The following ADGRD2 variants were observed in gnomAD, a reference collection of about 807,000 sequenced individuals.
ADGRD2 encodes adhesion G protein-coupled receptor D2.
ADGRD2 carries 71 observed loss-of-function variants against 44.4 expected under a neutral mutation model. The observed-to-expected ratio is 1.60, with a 90% confidence interval of 1.32 to 1.95. The LOEUF is 1.95. Among genes scored for constraint, ADGRD2 ranks in the 30% most tolerant of loss-of-function variants. The pLI is 0.00. For missense variants in ADGRD2, 1,039 were observed against 512.4 expected, an observed-to-expected ratio of 2.03 and a Z score of -9.92; for synonymous variants, 481 against 224.8, an observed-to-expected ratio of 2.14 and a Z score of -10.19.
chr9:124,466,266 G>T (rs957710744), exon 11 of ADGRD2: 10 of 677,074 alleles, frequency 1.5e-5, no homozygotes, highest in African/African-American at 3.6e-5. Context: ...AGAGCCCCCT[G>T]TTCCCTCCCC....
chr9:124,451,850 C>CTAAG (rs1831477589), upstream of ADGRD2: 4 of 554,770 alleles, frequency 7.2e-6, no homozygotes, highest in South Asian at 8.1e-5. Flanking sequence ...AAAGCACTCA[C>CTAAG]TAAGGGTGAC....
At chr9:124,478,088 G>T (rs1266563610) in intron 21 of ADGRD2, among the ~76,000 whole-genome samples, 193 bp from the exon 25 acceptor site, 1 of 152,116 alleles carries the variant, frequency 6.6e-6, no homozygotes, top group African/African-American at 2.4e-5. Flanking sequence ...TCCTTCGCGG[G>T]GCCGCCACCG....
At chr9:124,471,803 G>A (rs1480751067) in intron 17 of ADGRD2, among the ~76,000 whole-genome samples, 2 of 152,238 alleles carry the variant, frequency 1.3e-5, no homozygotes, top group Non-Finnish European at 2.9e-5. Flanking sequence ...AGAAGAGGCA[G>A]CAAAAAGCCC....
chr9:124,468,993 C>T lies in ADGRD2; in HGVS notation c.2388-229C>T, dbSNP rs1588607480. 2.6e-5 allele frequency among the ~76,000 whole-genome samples: 4 copies of T among 152,194 alleles called. No individual in the cohort carries two copies. The East Asian group carries it at 5.8e-4, about 22-fold the overall frequency. On this transcript the variant is annotated intron_variant, in intron 14 of 21. Coordinates refer to ENST00000334810, the Ensembl canonical transcript of ADGRD2. The stretch of plus-strand genomic sequence containing the variant: ...GTTGCCCAGCCTCCGTCTCCAGAGA[C>T]GCCCAGCTGTAGCCTCCAAAGCAGC...
At chr9:124,476,558 G>A (rs1832053462) in intron 20 of ADGRD2, 121 bp from the exon 24 acceptor site, 1 of 636,524 alleles carries the variant, frequency 1.6e-6, no homozygotes, top group African/African-American at 1.8e-5. Context: ...TGGGCTGAAG[G>A]GCCCAGGGAG....
In ADGRD2 at chr9:124,458,251, C is replaced by A. The variant is rs1038831782; in HGVS notation, c.1764+15C>A. On this transcript the variant is annotated intron_variant, in intron 9 of 21. Coordinates refer to ENST00000334810, the Ensembl canonical transcript of ADGRD2. The stretch of plus-strand genomic sequence containing the variant: ...AGGGTGCAGAGGTGAGTAGGCGCCA[C>A]CTGGAGGGCTGTGAGGGCCTGTGTC... The A allele has an allele frequency of 1.4e-6, 1 of 718,170 alleles. No individual in the cohort carries two copies. The allele number at this position is 718,170 out of a possible 1,614,324, so 44.5% of individuals were successfully genotyped here.
chr9:124,476,933 C>T (rs1237507859), intron 21 of ADGRD2: 1 of 704,678 alleles, frequency 1.4e-6, no homozygotes, highest in African/African-American at 1.8e-5. Context: ...TCATGGAACC[C>T]TATTCTGAGC....
In ADGRD2 at chr9:124,472,646, A is replaced by G. The variant is rs146146687; in HGVS notation, c.2758+2032A>G. On this transcript the variant is annotated intron_variant, in intron 17 of 21. Coordinates refer to ENST00000334810, the Ensembl canonical transcript of ADGRD2. ...CTCAGCCTCCTGAGTAGCTGGGATTACAGGCACCTGCCACCACGCCTGGAT... is the reference window on the plus strand; with the variant it reads ...CTCAGCCTCCTGAGTAGCTGGGATTGCAGGCACCTGCCACCACGCCTGGAT... Among the ~76,000 whole-genome samples, 386 of 152,222 alleles carry G rather than the reference A, an allele frequency of 2.5e-3. 1 individual carries two copies. The highest frequency in any genetic ancestry group is 8.8e-3 in the African/African-American group (367 of 41,524).
intron 16 of ADGRD2, among the ~76,000 whole-genome samples, chr9:124,469,904 G>T (rs1284088657): frequency 6.6e-6 from 1 of 152,208 alleles, no homozygotes; most frequent in African/African-American, 2.4e-5. Flanking sequence ...ATCAGGGTTA[G>T]CCCCAGAAGT....
chr9:124,451,253 C>A (rs1201355684), upstream of ADGRD2: 1 of 470,166 alleles, frequency 2.1e-6, no homozygotes, highest in Non-Finnish European at 4.4e-6. Flanking sequence ...TGGCGGAGAA[C>A]CTCAAGGAAC....
intron 17 of ADGRD2, among the ~76,000 whole-genome samples, chr9:124,472,070 G>T (rs1257611666): frequency 1.3e-5 from 2 of 152,200 alleles, no homozygotes; most frequent in East Asian, 1.9e-4. Flanking sequence ...ATCATAGGGG[G>T]TTGGATTCCT....
At chr9:124,469,122 C>T (rs1216838226) in intron 14 of ADGRD2, 100 bp from the exon 18 acceptor site, 3 of 635,656 alleles carry the variant, frequency 4.7e-6, no homozygotes, top group Non-Finnish European at 5.7e-6. Context: ...CCCAGTACAA[C>T]CTCCAGTAGG....
chr9:124,477,854 G>C (rs1353571626), intron 21 of ADGRD2, among the ~76,000 whole-genome samples: 1 of 149,878 alleles, frequency 6.7e-6, no homozygotes, highest in East Asian at 2.0e-4. Flanking sequence ...ACAAGAGAGC[G>C]GCGGCGCCTC....
exon 3 of ADGRD2, chr9:124,453,486 G>A (rs1359126947): frequency 2.8e-6 from 2 of 703,394 alleles, no homozygotes; most frequent in Non-Finnish European, 2.6e-6. Context: ...GTGGCTTCTC[G>A]GTGCGTCACG....
chr9:124,475,628 C>T lies in ADGRD2; in HGVS notation c.2845+13C>T, dbSNP rs1832033590. 1 of 432,290 alleles carries T rather than the reference C, an allele frequency of 2.3e-6. No individual in the cohort carries two copies. Among genetic ancestry groups the T allele is most frequent in the East Asian group, 7.5e-5 (1 of 13,298 alleles). The allele number at this position is 432,290 out of a possible 1,614,324, so 26.8% of individuals were successfully genotyped here. ...GAAGGTGGCCGAGGTGCTCAGGGCA[C>T]TGGGGGTGTGGGTGGGGGCGGGAGG... On this transcript the variant is annotated intron_variant, in intron 19 of 21. Transcript: ENST00000334810.
At chr9:124,476,248 G>A in intron 19 of ADGRD2, 109 bp from the exon 23 acceptor site, 2 of 609,078 alleles carry the variant, frequency 3.3e-6, no homozygotes, top group Non-Finnish European at 3.0e-6. Context: ...GGTAAACCTT[G>A]GAGTGGATTC....
At position 124,472,459 on chromosome 9, in the gene ADGRD2, T is replaced by TG. The variant is rs147755925; in HGVS notation, c.2758+1845_2758+1846insG. On this transcript the variant is annotated intron_variant, in intron 17 of 21. Coordinates refer to ENST00000334810, the Ensembl canonical transcript of ADGRD2. ...TTTTTTGTTTGTTTGTTTGTTTGTT[T>TG]TTTGTTTGTTTTTTGTTTTTGTTTT... Among the ~76,000 whole-genome samples, 38 of 21,500 alleles carry TG rather than the reference T, an allele frequency of 1.8e-3. No homozygotes were observed. In the South Asian group the frequency reaches 0.039, roughly 22 times the overall value. 14.1% of individuals were successfully genotyped at this position (21,500 alleles called of 152,430 possible). A position where few individuals can be genotyped will look rare whatever the true frequency, so the allele number is the denominator to read the frequency against.
intron 10 of ADGRD2, among the ~76,000 whole-genome samples, chr9:124,463,635 T>C (rs150815064): frequency 1.4e-4 from 22 of 152,318 alleles, no homozygotes; most frequent in African/African-American, 5.3e-4. Context: ...ATAGGTTATT[T>C]GGGTGTTTTA....
At chr9:124,455,425 T>C (rs150143825) in intron 6 of ADGRD2, among the ~76,000 whole-genome samples, 2 of 152,054 alleles carry the variant, frequency 1.3e-5, no homozygotes, top group African/African-American at 4.8e-5. Context: ...ACCCTGTCTC[T>C]ACTAAAAATA....
Sources: gnomAD v4.1 joint callset for allele counts (sites outside exome capture counted in the v4.1 genomes callset) on GRCh38, gnomAD v4.1.1 for gene constraint, MANE v1.5 for transcripts, NCBI Gene and HGNC (gene_info 2026-07-23, HGNC 2026-07-21) for gene names.